Variants in TBC1D1 observed in about 807,000 individuals in gnomAD.
TBC1D1 encodes the protein TBC1 (tre-2/USP6, BUB2, cdc16) domain family, member 1.
In TBC1D1, 89 loss-of-function variants were observed where a neutral mutation model predicts 125.6. The ratio of observed to expected loss-of-function variants is 0.71; its 90% CI spans 0.60 to 0.85. The LOEUF (loss-of-function observed/expected upper bound fraction) is 0.85. Ranked by LOEUF, TBC1D1 falls within the 40% of genes least tolerant of loss-of-function variation. The probability of loss-of-function intolerance (pLI) is 0.00; values close to 1 mark genes in which losing one functional copy is unlikely to be tolerated. For missense variants in TBC1D1, 1,377 were observed against 1,469.2 expected (o/e 0.94, Z 1.03); for synonymous variants, 565 against 564.1 (o/e 1.00, Z -0.02).
intron 12 of TBC1D1, among the ~76,000 whole-genome samples, chr4:38,059,787 G>A (rs370747950): frequency 1.3e-5 from 2 of 152,120 alleles, no homozygotes; most frequent in Non-Finnish European, 2.9e-5. Flanking sequence ...ATGGTTAAAC[G>A]TGTGCCATGG....
At chr4:37,976,752 G>A (rs1733164616) in intron 2 of TBC1D1, among the ~76,000 whole-genome samples, 1 of 152,150 alleles carries the variant, frequency 6.6e-6, no homozygotes, top group African/African-American at 2.4e-5. Context: ...CTTGCCTTGG[G>A]AGAGAAGAAA....
chr4:38,012,911 G>A (rs953228419), intron 2 of TBC1D1, among the ~76,000 whole-genome samples: 3 of 151,830 alleles, frequency 2.0e-5, no homozygotes, highest in African/African-American at 4.8e-5. Context: ...CTCCTGCCTC[G>A]GCCTCCCAAG....
chr4:38,110,122 A>C, intron 15 of TBC1D1: 3 of 807,692 alleles, frequency 3.7e-6, no homozygotes, highest in Non-Finnish European at 4.5e-6. Flanking sequence ...GGCCTCTTGT[A>C]GCAGCTGCCA....
At chr4:37,971,311 G>A (rs556430766) in intron 2 of TBC1D1, among the ~76,000 whole-genome samples, 7 of 152,260 alleles carry the variant, frequency 4.6e-5, no homozygotes, top group East Asian at 3.9e-4. Flanking sequence ...AAAGGAAAGC[G>A]GTTTATTGAC....
chr4:38,103,823 T>C (rs1760787441), intron 15 of TBC1D1, among the ~76,000 whole-genome samples: 1 of 152,098 alleles, frequency 6.6e-6, no homozygotes, highest in Non-Finnish European at 1.5e-5. Context: ...AGAATTTACA[T>C]TGTATTAGGT....
At chr4:38,037,445 G>A (rs1470805516) in intron 8 of TBC1D1, among the ~76,000 whole-genome samples, 1 of 152,014 alleles carries the variant, frequency 6.6e-6, no homozygotes, top group African/African-American at 2.4e-5. Context: ...GATGAGGTTG[G>A]TGTACTCCAG....
intron 17 of TBC1D1, among the ~76,000 whole-genome samples, chr4:38,120,301 C>T (rs1763642975): frequency 6.6e-6 from 1 of 152,206 alleles, no homozygotes; most frequent in Non-Finnish European, 1.5e-5. Context: ...GCCGCACTGG[C>T]TTGTGATGTC....
chr4:38,029,715 C>T (rs1745778103), intron 7 of TBC1D1, among the ~76,000 whole-genome samples: 1 of 152,184 alleles, frequency 6.6e-6, no homozygotes, highest in Non-Finnish European at 1.5e-5. Context: ...TTCCCTTGTT[C>T]TCCTTCTACA....
chr4:37,986,761 T>C (rs909778675), intron 2 of TBC1D1, among the ~76,000 whole-genome samples: 9 of 151,116 alleles, frequency 6.0e-5, no homozygotes, highest in African/African-American at 2.2e-4. Context: ...CCTTGATGAG[T>C]GTATTCTTGC....
At chr4:37,998,450 A>C (rs976335742) in intron 2 of TBC1D1, among the ~76,000 whole-genome samples, 1 of 152,132 alleles carries the variant, frequency 6.6e-6, no homozygotes, top group Non-Finnish European at 1.5e-5. Flanking sequence ...TCTCAGTCTC[A>C]GCTGTTTGCT....
chr4:37,937,390 A>G (rs1724611462), intron 2 of TBC1D1, among the ~76,000 whole-genome samples: 1 of 152,160 alleles, frequency 6.6e-6, no homozygotes. Flanking sequence ...TAAGCATAAT[A>G]AATGCTTACG....
intron 18 of TBC1D1, among the ~76,000 whole-genome samples, chr4:38,128,109 G>T (rs1183776155): frequency 2.6e-5 from 4 of 152,230 alleles, no homozygotes; most frequent in African/African-American, 9.6e-5. Context: ...ATCACAGCAT[G>T]TGAGAAGGTA....
intron 2 of TBC1D1, among the ~76,000 whole-genome samples, chr4:37,951,314 T>C (rs1727819792): frequency 6.6e-6 from 1 of 152,198 alleles, no homozygotes; most frequent in Non-Finnish European, 1.5e-5. Flanking sequence ...ATAAGATTGG[T>C]CCCGAGCTGA....
intron 2 of TBC1D1, chr4:37,960,800 T>G: frequency 6.2e-7 from 1 of 1,614,164 alleles, no homozygotes; most frequent in Non-Finnish European, 8.5e-7. Context: ...CCTTCAATCT[T>G]CTAGACTTTG....
At chr4:38,063,652 G>A (rs1293418862) in intron 12 of TBC1D1, among the ~76,000 whole-genome samples, 3 of 150,770 alleles carry the variant, frequency 2.0e-5, no homozygotes, top group South Asian at 2.1e-4. Context: ...TTTTTGAGAC[G>A]GAGTATTGCT....
chr4:37,929,811 CG>C (rs1173125165), intron 2 of TBC1D1, among the ~76,000 whole-genome samples: 8 of 152,056 alleles, frequency 5.3e-5, no homozygotes, highest in Non-Finnish European at 1.0e-4. Flanking sequence ...GCCAACTAAA[CG>C]ATATTAACTA....
rs1766840340 is a variant in TBC1D1, at chr4:38,137,498, G to A, written c.*163G>A. 2 of 1,030,492 alleles carry A rather than the reference G, an allele frequency of 1.9e-6. No individual in the cohort carries two copies. The highest frequency in any genetic ancestry group is 2.6e-6 in the Non-Finnish European group (2 of 783,756). The allele number at this position is 1,030,492 out of a possible 1,614,324, so 63.8% of individuals were successfully genotyped here. ...CTTACGAACTCCAACTTGCAATTCAGGGGGCATGTCCCAGTGTTTTTTTTG... is the reference window on the plus strand; with the variant it reads ...CTTACGAACTCCAACTTGCAATTCAAGGGGCATGTCCCAGTGTTTTTTTTG... On this transcript the variant is annotated 3_prime_UTR_variant, in exon 20 of 20. Transcript: ENST00000261439.
intron 12 of TBC1D1, among the ~76,000 whole-genome samples, chr4:38,074,904 G>A (rs1333458460): frequency 1.3e-5 from 2 of 152,030 alleles, no homozygotes; most frequent in African/African-American, 2.4e-5. Context: ...GGGATTGCAG[G>A]CACGCGCCAC....
chr4:38,050,415 T>C (rs1011507874), intron 11 of TBC1D1, among the ~76,000 whole-genome samples: 33 of 152,234 alleles, frequency 2.2e-4, no homozygotes, highest in African/African-American at 7.5e-4. Flanking sequence ...AGTAGATGTT[T>C]TCTAAAATCT....
Sources: gnomAD v4.1 joint callset for allele counts (sites outside exome capture counted in the v4.1 genomes callset) on GRCh38, gnomAD v4.1.1 for gene constraint, MANE v1.5 for transcripts, NCBI Gene and HGNC (gene_info 2026-07-23, HGNC 2026-07-21) for gene names.